POLR3G: variants seen among roughly 807,000 people sequenced by gnomAD.
POLR3G encodes DNA-directed RNA polymerase III subunit RPC7.
A neutral mutation model predicts 30.1 loss-of-function variants in POLR3G; 28 were observed. The observed-to-expected ratio is 0.93, with a 90% confidence interval of 0.69 to 1.27. POLR3G has a LOEUF of 1.27. POLR3G is among the 50% of genes most tolerant of loss of function. The probability of loss-of-function intolerance (pLI) is 0.00; values close to 1 mark genes in which losing one functional copy is unlikely to be tolerated. For missense variants in POLR3G, 254 were observed against 264.6 expected (o/e 0.96, Z 0.28); for synonymous variants, 79 against 82.5 (o/e 0.96, Z 0.23).
chr5:90,495,844 G>A, intron 4 of POLR3G, 111 bp downstream of exon 4: 2 of 1,345,880 alleles, frequency 1.5e-6, no homozygotes, highest in East Asian at 2.8e-5. Flanking sequence ...ACTGAGTCTG[G>A]TTCTTTTATT....
chr5:90,477,710 GT>G (rs1750906679), intron 1 of POLR3G, among the ~76,000 whole-genome samples: 1 of 151,536 alleles, frequency 6.6e-6, no homozygotes. Flanking sequence ...GGTGGAGGGT[GT>G]CCAGGTTCTT....
intron 1 of POLR3G, among the ~76,000 whole-genome samples, chr5:90,480,422 A>G (rs1269702212): frequency 6.6e-6 from 1 of 151,190 alleles, no homozygotes; most frequent in Non-Finnish European, 1.5e-5. Context: ...TAATTATTAA[A>G]TGTGTCAAAA....
intron 7 of POLR3G, among the ~76,000 whole-genome samples, chr5:90,507,374 A>G (rs1017895456): frequency 6.6e-6 from 1 of 152,168 alleles, no homozygotes; most frequent in Non-Finnish European, 1.5e-5. Flanking sequence ...GCTTCTCTGG[A>G]AACTTCCAAC....
intron 2 of POLR3G, among the ~76,000 whole-genome samples, chr5:90,487,552 C>T (rs1265705176): frequency 1.6e-4 from 24 of 151,746 alleles, no homozygotes; most frequent in Admixed American, 8.5e-4. Flanking sequence ...CCACCATGCC[C>T]GGCTAATTTT....
rs868025132 is a variant in POLR3G, at chr5:90,513,007, C to G, written c.*868C>G. ...GTGGCCTTTTATGTTTCAGAGTACT[C>G]AAGTGTACAATTGATTTATATAAAA... On this transcript the variant is annotated 3_prime_UTR_variant, in exon 8 of 8. Coordinates refer to ENST00000651687, the MANE Select transcript of POLR3G (RefSeq NM_006467.3). 11 of 152,026 alleles carry G rather than the reference C, an allele frequency of 7.2e-5. No individual in the cohort carries two copies. The highest frequency in any genetic ancestry group is 6.8e-3 in the Middle Eastern group (2 of 294). The allele number at this position is 152,026 out of a possible 1,614,324, so 9.4% of individuals were successfully genotyped here. A position where few individuals can be genotyped will look rare whatever the true frequency, so the allele number is the denominator to read the frequency against.
chr5:90,482,744 T>C (rs1271291561), intron 1 of POLR3G, among the ~76,000 whole-genome samples: 3 of 152,128 alleles, frequency 2.0e-5, no homozygotes, highest in Non-Finnish European at 4.4e-5. Flanking sequence ...AGGAACTGAC[T>C]CAGCAGAAGA....
chr5:90,490,081 TG>T (rs1469392805), intron 3 of POLR3G, among the ~76,000 whole-genome samples: 4 of 151,906 alleles, frequency 2.6e-5, no homozygotes, highest in Non-Finnish European at 4.4e-5. Context: ...CACTGCAGCC[TG>T]GGTGACAGAG....
At position 90,495,728 on chromosome 5, in the gene POLR3G, T is replaced by G; in HGVS notation, c.299T>G (p.Ile100Arg). The change falls in exon 4 of 8, where the codon ATA becomes AGA. Residue 100 changes from isoleucine to arginine, a missense_variant. By Grantham distance (97) the Ile-to-Arg change is moderately conservative. Transcript: ENST00000651687. ...ATGAAGGTATACAAGGAAGAATGGATACCAGGTAACTACAAAACACACAAT... is the reference window on the plus strand; with the variant it reads ...ATGAAGGTATACAAGGAAGAATGGAGACCAGGTAACTACAAAACACACAAT... ...RYMKVYKEEW[I>R]PDWRRLPREM... The G allele has an allele frequency of 6.3e-7, 1 of 1,597,304 alleles. No homozygotes were observed. Among genetic ancestry groups the G allele is most frequent in the Non-Finnish European group, 8.5e-7 (1 of 1,172,734 alleles).
rs16868744 is a variant in POLR3G at position 90,501,611 on chromosome 5, A to C, written c.356-295A>C. Among the ~76,000 whole-genome samples, 613 of 152,278 alleles carry C rather than the reference A, an allele frequency of 4.0e-3. 4 individuals carry two copies. Among genetic ancestry groups the C allele is most frequent in the African/African-American group, 0.014 (572 of 41,558 alleles). ...TCTCTATCTGAGGCAACATTTTAGC[A>C]GTTTTGGCCCTAATGATATTAATTG... On this transcript the variant is annotated intron_variant, in intron 5 of 7. Coordinates refer to ENST00000651687, the MANE Select transcript of POLR3G (RefSeq NM_006467.3).
chr5:90,508,758 C>CA (rs1313510366), intron 7 of POLR3G, among the ~76,000 whole-genome samples: 1 of 152,166 alleles, frequency 6.6e-6, no homozygotes, highest in East Asian at 1.9e-4. Flanking sequence ...CTTCTGACAG[C>CA]TCTATTATTA....
At chr5:90,505,997 G>A (rs1561258607) in intron 6 of POLR3G, among the ~76,000 whole-genome samples, 1 of 152,244 alleles carries the variant, frequency 6.6e-6, no homozygotes, top group South Asian at 2.1e-4. Flanking sequence ...CACTTTGGGA[G>A]GCTAAGGTGG....
chr5:90,506,707 A>G, intron 7 of POLR3G, 33 bp downstream of exon 7: 1 of 1,575,902 alleles, frequency 6.3e-7, no homozygotes, highest in Non-Finnish European at 8.6e-7. Context: ...TAGCAAAATT[A>G]ATAAGGTTTA....
Position 90,501,929 on chromosome 5 carries a change from A to G in POLR3G, c.379A>G (p.Lys127Glu), listed in dbSNP as rs1283399074. 2 of 1,613,480 alleles carry G rather than the reference A, an allele frequency of 1.2e-6. No homozygotes were observed. The highest frequency in any genetic ancestry group is 2.7e-5 in the African/African-American group (2 of 74,872). ...AGCAGGCCCAAAACCCAAAAAGGCA[A>G]AAGACGCAGGCAAAGGCACACCACT... ...KKAGPKPKKA[K>E]DAGKGTPLTN... The change falls in exon 6 of 8, where the codon AAA (lysine) becomes GAA (glutamate). Residue 127 changes from lysine (K) to glutamate (E), a missense_variant. Transcript: ENST00000651687.
At chr5:90,474,506 G>C (rs1285449430), upstream of POLR3G, 3 of 551,996 alleles carry the variant, frequency 5.4e-6, no homozygotes, top group Non-Finnish European at 3.2e-6. Context: ...GCACCCTTCC[G>C]CCAGGTCGGC....
intron 6 of POLR3G, among the ~76,000 whole-genome samples, chr5:90,503,079 G>A (rs1752329553): frequency 6.6e-6 from 1 of 152,134 alleles, no homozygotes; most frequent in Non-Finnish European, 1.5e-5. Context: ...ATCAATGCAT[G>A]CATTGTCTTG....
At chr5:90,487,930 A>C in intron 2 of POLR3G, 70 bp from the exon 3 acceptor site, 1 of 1,299,384 alleles carries the variant, frequency 7.7e-7, no homozygotes, top group Non-Finnish European at 1.0e-6. Context: ...TGTTTTCTAT[A>C]ATACAGATAA....
chr5:90,486,634 A>T (rs192457735), intron 2 of POLR3G, among the ~76,000 whole-genome samples: 1 of 152,208 alleles, frequency 6.6e-6, no homozygotes, highest in African/African-American at 2.4e-5. Flanking sequence ...CCCTGATTTT[A>T]TCCCAATCTC....
intron 3 of POLR3G, among the ~76,000 whole-genome samples, chr5:90,490,027 A>C (rs1383795950): frequency 6.6e-6 from 1 of 152,088 alleles, no homozygotes; most frequent in African/African-American, 2.4e-5. Context: ...GAATTGCTTG[A>C]ACCCGAGAGG....
chr5:90,477,696 T>A (rs2151896894), intron 1 of POLR3G, among the ~76,000 whole-genome samples: 1 of 152,314 alleles, frequency 6.6e-6, no homozygotes, highest in Non-Finnish European at 1.5e-5. Context: ...CTGACGTTGT[T>A]ACTGGTGGAG....
Sources: allele counts gnomAD v4.1 joint callset (sites outside exome capture counted in the v4.1 genomes callset), GRCh38; gene constraint gnomAD v4.1.1; transcripts MANE v1.5; gene names NCBI Gene and HGNC (gene_info 2026-07-23, HGNC 2026-07-21).